Variants in PLEKHG5 observed in about 807,000 individuals in gnomAD.
The protein encoded by PLEKHG5 is pleckstrin homology domain-containing family G member 5.
Under a neutral mutation model 103.8 loss-of-function variants are expected in PLEKHG5, and 52 were observed. That is an observed-to-expected ratio of 0.50 (90% CI 0.40 to 0.63). The LOEUF is 0.63. Among genes scored for constraint, PLEKHG5 ranks in the 30% least tolerant of loss-of-function variants. PLEKHG5 has a pLI of 0.00. For missense variants in PLEKHG5, 1,205 were observed against 1,347.6 expected, an observed-to-expected ratio of 0.89 and a Z score of 1.66; for synonymous variants, 592 against 575.5, an observed-to-expected ratio of 1.03 and a Z score of -0.41.
chr1:6,468,956 G>T, intron 19 of PLEKHG5, 86 bp downstream of exon 19: 1 of 1,117,084 alleles, frequency 9.0e-7, no homozygotes, highest in Non-Finnish European at 1.4e-6. Flanking sequence ...CCATTGGGAG[G>T]AAGGGAGCGT....
At chr1:6,499,415 G>A (rs1645270908), upstream of PLEKHG5, among the ~76,000 whole-genome samples, 1 of 152,208 alleles carries the variant, frequency 6.6e-6, no homozygotes, top group East Asian at 1.9e-4. Flanking sequence ...GGTCTCAGCA[G>A]GCTCCAGGTG....
intron 1 of PLEKHG5, among the ~76,000 whole-genome samples, chr1:6,504,402 C>G (rs1260500147): frequency 6.6e-6 from 1 of 152,068 alleles, no homozygotes; most frequent in Non-Finnish European, 1.5e-5. Flanking sequence ...CCGATGGGGC[C>G]TGGAGTTGCT....
At chr1:6,477,882 C>CT (rs1275109094) in intron 1 of PLEKHG5, among the ~76,000 whole-genome samples, 5 of 151,668 alleles carry the variant, frequency 3.3e-5, no homozygotes, top group East Asian at 3.9e-4. Flanking sequence ...CCATCTTTTT[C>CT]TTTTTTTTCT....
chr1:6,480,795 T>C (rs1644878867), intron 1 of PLEKHG5, among the ~76,000 whole-genome samples: 1 of 151,756 alleles, frequency 6.6e-6, no homozygotes, highest in Non-Finnish European at 1.5e-5. Flanking sequence ...ACTACAGGCA[T>C]GTACCACCAT....
intron 5 of PLEKHG5, 53 bp downstream of exon 5, chr1:6,474,992 TGG>T (rs1299426856): frequency 1.8e-6 from 2 of 1,083,498 alleles, no homozygotes; most frequent in African/African-American, 3.1e-5. Context: ...GCCTGCAACA[TGG>T]GGCCACCCCT....
At position 6,486,493 on chromosome 1, in the gene PLEKHG5, GA is replaced by G. The variant is rs1335961101; in HGVS notation, c.-88+5143del. Reference sequence around the variant, plus strand: ...GAGAGCCAAAGGCCGGTGGCCTCTGGAAAGGGCCGTGGGCAGAAGGCGGGCT... The same window carrying G: ...GAGAGCCAAAGGCCGGTGGCCTCTGGAAGGGCCGTGGGCAGAAGGCGGGCT... On this transcript the variant is annotated intron_variant, in intron 1 of 20. Coordinates refer to ENST00000377728, the MANE Select transcript of PLEKHG5 (RefSeq NM_020631.6). This position sits in a 1 kb window ranked among gnomAD's most constrained non-coding sequence, Gnocchi z 5.3. 6.6e-6 allele frequency among the ~76,000 whole-genome samples: 1 copy of G among 152,248 alleles called. No individual in the cohort carries two copies. Among genetic ancestry groups the G allele is most frequent in the Non-Finnish European group, 1.5e-5 (1 of 68,044 alleles).
intron 6 of PLEKHG5, 121 bp from the exon 7 acceptor site, chr1:6,474,285 C>T: frequency 7.4e-7 from 1 of 1,353,696 alleles, no homozygotes; most frequent in Non-Finnish European, 1.0e-6. Context: ...ACAGCCCCGC[C>T]CTGCCAGCAC....
intron 5 of PLEKHG5, 96 bp downstream of exon 5, chr1:6,474,951 G>T: frequency 1.2e-6 from 1 of 842,386 alleles, no homozygotes; most frequent in Non-Finnish European, 2.1e-6. Flanking sequence ...CCACCACACA[G>T]ACACACACGT....
At chr1:6,467,783 G>C (rs927883802) in intron 20 of PLEKHG5, 42 bp downstream of exon 20, 1 of 1,607,940 alleles carries the variant, frequency 6.2e-7, no homozygotes, top group African/African-American at 1.3e-5. Flanking sequence ...CCCCATGCCA[G>C]TGCCCTGAGC....
At chr1:6,514,485 G>A (rs565237556) in intron 1 of PLEKHG5, among the ~76,000 whole-genome samples, 7 of 151,262 alleles carry the variant, frequency 4.6e-5, no homozygotes, top group South Asian at 2.1e-4. Context: ...GAAAATGGCC[G>A]GGTGTGGTGG....
In PLEKHG5 at chr1:6,491,581, G is replaced by A; in HGVS notation, c.-88+56C>T. On this transcript the variant is annotated intron_variant, in intron 1 of 20. Coordinates refer to ENST00000377728, the MANE Select transcript of PLEKHG5 (RefSeq NM_020631.6). This position sits in a 1 kb window ranked among gnomAD's most constrained non-coding sequence, Gnocchi z 4.1. Reference sequence around the variant, plus strand: ...CCCTGGGGCATCCTGGTCTGCCGCTGCTCACCCCCAAAGCATTGCCCAGGA... The same window carrying A: ...CCCTGGGGCATCCTGGTCTGCCGCTACTCACCCCCAAAGCATTGCCCAGGA... 1 of 894,890 alleles carries A rather than the reference G, an allele frequency of 1.1e-6. No homozygotes were observed. The highest frequency in any genetic ancestry group is 1.3e-6 in the Non-Finnish European group (1 of 747,960). The allele number at this position is 894,890 out of a possible 1,614,324, so 55.4% of individuals were successfully genotyped here.
Position 6,477,794 on chromosome 1 carries a change from C to T in PLEKHG5, c.-87-136G>A, listed in dbSNP as rs537613649. On this transcript the variant is annotated intron_variant, in intron 1 of 20. Transcript: ENST00000377728. Reference sequence around the variant, plus strand: ...GGGTGAGGAGACGCCCCCCAGCAGTCCCCCCTCTCCCACATCATCAAGTTT... The same window carrying T: ...GGGTGAGGAGACGCCCCCCAGCAGTTCCCCCTCTCCCACATCATCAAGTTT... 6.4e-6 allele frequency: 5 copies of T among 787,244 alleles called. No individual in the cohort carries two copies. The African/African-American group carries it at 7.0e-5, about 11-fold the overall frequency. 48.8% of individuals were successfully genotyped at this position (787,244 alleles called of 1,614,324 possible).
chr1:6,469,688 G>A lies in PLEKHG5; in HGVS notation c.1801-12C>T. The A allele has an allele frequency of 6.2e-7, 1 of 1,611,024 alleles. No homozygotes were observed. The highest frequency in any genetic ancestry group is 1.1e-5 in the South Asian group (1 of 91,038). On this transcript the variant is annotated splice_polypyrimidine_tract_variant and intron_variant, in intron 16 of 20. Transcript: ENST00000377728. Reference sequence around the variant, plus strand: ...CAGTACACATCCATCTGCAGTGGCAGGAGGGGGGGTGGCCAGAGAGGCCAG... The same window carrying A: ...CAGTACACATCCATCTGCAGTGGCAAGAGGGGGGGTGGCCAGAGAGGCCAG...
chr1:6,488,194 A>G (rs930404839), intron 1 of PLEKHG5, among the ~76,000 whole-genome samples: 3 of 152,192 alleles, frequency 2.0e-5, no homozygotes, highest in African/African-American at 7.2e-5. Flanking sequence ...CCATCGTGGG[A>G]GTTCCAGGCA....
chr1:6,506,403 T>C (rs970366301), intron 1 of PLEKHG5, among the ~76,000 whole-genome samples: 2 of 152,142 alleles, frequency 1.3e-5, no homozygotes, highest in Non-Finnish European at 2.9e-5. Flanking sequence ...ACAGACATTT[T>C]ACAAATTTCG....
In PLEKHG5 at chr1:6,472,171, T is replaced by C. The variant is rs1283653160; in HGVS notation, c.1080+356A>G. 2.0e-5 allele frequency among the ~76,000 whole-genome samples: 3 copies of C among 152,206 alleles called. No homozygotes were observed. In the East Asian group the frequency reaches 5.8e-4, roughly 30 times the overall value. ...CCTCCAGGAAGCTCCAAGCCCAGGG[T>C]AGGTGCTCCCCTCCCTGAGCCGAAA... On this transcript the variant is annotated intron_variant, in intron 10 of 20. Transcript: ENST00000377728.
chr1:6,484,306 C>T (rs1644970721), intron 1 of PLEKHG5, among the ~76,000 whole-genome samples: 1 of 152,166 alleles, frequency 6.6e-6, no homozygotes. Context: ...TGAGGCTGCT[C>T]GACTCCTCCA....
chr1:6,514,014 A>G (rs1358848811), intron 1 of PLEKHG5, among the ~76,000 whole-genome samples: 1 of 152,168 alleles, frequency 6.6e-6, no homozygotes, highest in East Asian at 1.9e-4. Context: ...GATCCTGTTC[A>G]TTTACATCTC....
chr1:6,514,327 C>T (rs572446762), intron 1 of PLEKHG5, among the ~76,000 whole-genome samples: 9 of 150,322 alleles, frequency 6.0e-5, no homozygotes, highest in African/African-American at 2.2e-4. Flanking sequence ...TGGTGGTATG[C>T]GCCTGTGGTC....
Sources: gnomAD v4.1 joint callset for allele counts (sites outside exome capture counted in the v4.1 genomes callset) on GRCh38, gnomAD v4.1.1 for gene constraint, Gnocchi (gnomAD v3.1) non-coding constraint, MANE v1.5 for transcripts, NCBI Gene and HGNC (gene_info 2026-07-23, HGNC 2026-07-21) for gene names.